Variants in RANBP17 observed in about 807,000 individuals in gnomAD.
RANBP17 encodes ran-binding protein 17.
A neutral mutation model predicts 141.2 loss-of-function variants in RANBP17; 158 were observed. The ratio of observed to expected loss-of-function variants is 1.12; its 90% CI spans 0.98 to 1.28. RANBP17 has a LOEUF of 1.28. Among genes scored for constraint, RANBP17 ranks in the 50% most tolerant of loss-of-function variants. The pLI is 0.00. For missense variants in RANBP17, 1,438 were observed against 1,290.7 expected (o/e 1.11, Z -1.75); for synonymous variants, 430 against 450.0 (o/e 0.96, Z 0.56).
At chr5:170,956,457 C>T (rs2168772) in intron 13 of RANBP17, among the ~76,000 whole-genome samples, 93,038 of 151,792 alleles carry the variant, frequency 0.61, 29,911 homozygotes, top group South Asian at 0.9. Context: ...TTTTCTAAGA[C>T]TTATTATTTT....
At chr5:171,062,778 C>A (rs1168486452) in intron 14 of RANBP17, among the ~76,000 whole-genome samples, 1 of 152,202 alleles carries the variant, frequency 6.6e-6, no homozygotes, top group Non-Finnish European at 1.5e-5. Context: ...TCCATTCTCC[C>A]CGTCACTTTC....
chr5:171,089,502 C>A (rs529092058), intron 14 of RANBP17, among the ~76,000 whole-genome samples: 51 of 151,956 alleles, frequency 3.4e-4, no homozygotes, highest in Middle Eastern at 3.4e-3. Context: ...TCGAGCTTCC[C>A]GGCTGCTTTG....
At chr5:170,951,442 A>C (rs923589561) in intron 12 of RANBP17, among the ~76,000 whole-genome samples, 7 of 152,140 alleles carry the variant, frequency 4.6e-5, no homozygotes, top group Non-Finnish European at 1.0e-4. Context: ...ATGTGCTAAA[A>C]CATGGGTGGT....
At chr5:171,266,948 A>G (rs562522820) in intron 25 of RANBP17, among the ~76,000 whole-genome samples, 2 of 152,162 alleles carry the variant, frequency 1.3e-5, no homozygotes, top group South Asian at 4.1e-4. Context: ...AAAATTTTTA[A>G]AAAAACATAC....
chr5:170,889,366 A>G (rs192874076), intron 3 of RANBP17, among the ~76,000 whole-genome samples: 4 of 152,042 alleles, frequency 2.6e-5, no homozygotes, highest in Admixed American at 2.0e-4. Context: ...TTGATAGCAC[A>G]CTCTAAAAGA....
At chr5:171,296,098 T>C in intron 27 of RANBP17, 84 bp downstream of exon 27, 4 of 1,374,972 alleles carry the variant, frequency 2.9e-6, no homozygotes, top group Non-Finnish European at 3.0e-6. Flanking sequence ...TTGACACAGC[T>C]CACACATGGA....
chr5:170,862,226 C>T (rs1214940684), intron 1 of RANBP17, among the ~76,000 whole-genome samples, 175 bp downstream of exon 1: 1 of 152,160 alleles, frequency 6.6e-6, no homozygotes, highest in Non-Finnish European at 1.5e-5. Context: ...CTGGTCTGGG[C>T]TGCACACCCC....
chr5:171,293,670 T>C (rs1307211439), intron 25 of RANBP17, among the ~76,000 whole-genome samples: 5 of 152,152 alleles, frequency 3.3e-5, no homozygotes, highest in Non-Finnish European at 1.5e-5. Context: ...CTTTCAGAGG[T>C]AGAAGCTCTT....
intron 3 of RANBP17, among the ~76,000 whole-genome samples, chr5:170,886,722 A>G (rs917016677): frequency 8.2e-6 from 1 of 121,814 alleles, no homozygotes; most frequent in Non-Finnish European, 1.6e-5. Flanking sequence ...GCAGTGTGTG[A>G]TCTTGGCTCA....
intron 14 of RANBP17, among the ~76,000 whole-genome samples, chr5:170,974,377 T>C (rs1020267907): frequency 1.3e-5 from 2 of 152,186 alleles, no homozygotes; most frequent in African/African-American, 4.8e-5. Flanking sequence ...GCATTAAATC[T>C]TCAGGCTCCA....
chr5:171,298,679 A>C (rs1012203823), intron 27 of RANBP17, 83 bp from the exon 28 acceptor site: 1 of 1,038,972 alleles, frequency 9.6e-7, no homozygotes, highest in Non-Finnish European at 1.5e-6. Flanking sequence ...AAAGTCCTGA[A>C]CTCCAAAATG....
chr5:171,265,992 C>T (rs1045666912), intron 25 of RANBP17, 145 bp downstream of exon 25: 26 of 652,606 alleles, frequency 4.0e-5, no homozygotes, highest in Non-Finnish European at 3.5e-5. Context: ...GGAGTATTTT[C>T]CCTGAACGTG....
chr5:170,956,798 G>A (rs546535253), intron 13 of RANBP17, among the ~76,000 whole-genome samples: 78 of 151,006 alleles, frequency 5.2e-4, no homozygotes, highest in Admixed American at 1.4e-3. Context: ...ACGACTGGGC[G>A]CAGTGGCTCA....
chr5:171,278,690 A>G (rs1005457488), intron 25 of RANBP17, among the ~76,000 whole-genome samples: 7 of 152,158 alleles, frequency 4.6e-5, no homozygotes, highest in Admixed American at 3.9e-4. Context: ...AGAGAAAGAA[A>G]AAGACTGAGA....
intron 14 of RANBP17, among the ~76,000 whole-genome samples, chr5:171,149,008 A>G (rs945991819): frequency 1.3e-5 from 2 of 152,216 alleles, no homozygotes; most frequent in African/African-American, 4.8e-5. Context: ...TGATGTGGTA[A>G]AAACTAGAAT....
chr5:171,245,376 A>G (rs1472063823), intron 24 of RANBP17, among the ~76,000 whole-genome samples: 1 of 152,182 alleles, frequency 6.6e-6, no homozygotes, highest in Non-Finnish European at 1.5e-5. Flanking sequence ...GTGCAACAGC[A>G]CAATCTCAGC....
intron 14 of RANBP17, among the ~76,000 whole-genome samples, chr5:171,058,069 C>T (rs989436847): frequency 2.0e-5 from 3 of 151,990 alleles, no homozygotes; most frequent in Non-Finnish European, 4.4e-5. Flanking sequence ...TTGACAAATT[C>T]TCCTTCATAG....
intron 12 of RANBP17, among the ~76,000 whole-genome samples, chr5:170,927,134 A>G (rs1047335748): frequency 6.6e-6 from 1 of 152,108 alleles, no homozygotes; most frequent in Non-Finnish European, 1.5e-5. Flanking sequence ...TCCTAGTGAA[A>G]TTGCCGTTGA....
chr5:171,156,355 A>G (rs527936710), intron 14 of RANBP17, among the ~76,000 whole-genome samples: 1 of 152,270 alleles, frequency 6.6e-6, no homozygotes, highest in African/African-American at 2.4e-5. Flanking sequence ...GTAATTGAGT[A>G]AAGTTTAATC....
Sources: allele counts gnomAD v4.1 joint callset (sites outside exome capture counted in the v4.1 genomes callset), GRCh38; gene constraint gnomAD v4.1.1; transcripts MANE v1.5; gene names NCBI Gene and HGNC (gene_info 2026-07-23, HGNC 2026-07-21).